NLN: variants seen among roughly 807,000 people sequenced by gnomAD.
NLN encodes the protein neurolysin.
Under a neutral mutation model 79.9 loss-of-function variants are expected in NLN, and 64 were observed. That is an observed-to-expected ratio of 0.80 (90% CI 0.65 to 0.99). The LOEUF (loss-of-function observed/expected upper bound fraction) is 0.99, where lower values mean the gene tolerates loss of function less well. Ranked by LOEUF, NLN falls within the 50% of genes least tolerant of loss-of-function variation. The probability of loss-of-function intolerance (pLI) is 0.00; values close to 1 mark genes in which losing one functional copy is unlikely to be tolerated. For synonymous variants in NLN, 267 were observed against 296.6 expected (o/e 0.90, Z 1.02); for missense variants, 835 against 858.7 (o/e 0.97, Z 0.34).
intron 12 of NLN, among the ~76,000 whole-genome samples, chr5:65,816,054 C>G (rs563080161): frequency 2.1e-4 from 32 of 152,076 alleles, no homozygotes; most frequent in African/African-American, 3.9e-4. Context: ...GAACTCCCCC[C>G]ACAAAAACAA....
At position 65,828,169 on chromosome 5, in the gene NLN, A is replaced by G. The variant is rs1324341099; in HGVS notation, c.*5254A>G. 1.3e-5 allele frequency: 2 copies of G among 152,282 alleles called. No individual in the cohort carries two copies. Among genetic ancestry groups the G allele is most frequent in the Non-Finnish European group, 2.9e-5 (2 of 68,062 alleles). 9.4% of individuals were successfully genotyped at this position (152,282 alleles called of 1,614,324 possible). ...AAAGAGTTGGCAGTTTTATTTGGCCAAATTCCAATATCAGCTCATGGTACA... is the reference window on the plus strand; with the variant it reads ...AAAGAGTTGGCAGTTTTATTTGGCCGAATTCCAATATCAGCTCATGGTACA... On this transcript the variant is annotated 3_prime_UTR_variant, in exon 13 of 13. Transcript: ENST00000380985.
chr5:65,767,450 G>A (rs1266986703), intron 3 of NLN, among the ~76,000 whole-genome samples: 1 of 152,190 alleles, frequency 6.6e-6, no homozygotes, highest in African/African-American at 2.4e-5. Context: ...ACTATGTCCT[G>A]AGGCTGCAGA....
intron 12 of NLN, among the ~76,000 whole-genome samples, chr5:65,816,947 T>C (rs1760684258): frequency 6.6e-6 from 1 of 152,286 alleles, no homozygotes; most frequent in South Asian, 2.1e-4. Context: ...AGAAACCACA[T>C]GTTGTTGATG....
chr5:65,774,715 TTA>T lies in NLN; in HGVS notation c.451-2698_451-2697del, dbSNP rs201576019. Among the ~76,000 whole-genome samples, 934 of 134,072 alleles carry T rather than the reference TTA, an allele frequency of 7.0e-3. 15 individuals carry two copies. The highest frequency in any genetic ancestry group is 0.024 in the African/African-American group (886 of 36,576). 88.0% of individuals were successfully genotyped at this position (134,072 alleles called of 152,430 possible). ...AGTTAATTAGTCATACATATATAAA[TTA>T]TATATATATATATTTTTTTTTTTTT... On this transcript the variant is annotated intron_variant, in intron 3 of 12. Transcript: ENST00000380985.
At chr5:65,728,223 A>G (rs1301033124) in intron 1 of NLN, among the ~76,000 whole-genome samples, 1 of 152,124 alleles carries the variant, frequency 6.6e-6, no homozygotes, top group Non-Finnish European at 1.5e-5. Flanking sequence ...AATTTCCTCT[A>G]TGAACAGACT....
intron 12 of NLN, among the ~76,000 whole-genome samples, chr5:65,813,359 T>C (rs1449856753): frequency 1.3e-5 from 2 of 152,180 alleles, no homozygotes; most frequent in African/African-American, 4.8e-5. Flanking sequence ...TGCTGACTAT[T>C]GTTCTCACAG....
chr5:65,806,449 A>G (rs1397095783), intron 9 of NLN, among the ~76,000 whole-genome samples: 1 of 152,234 alleles, frequency 6.6e-6, no homozygotes, highest in African/African-American at 2.4e-5. Flanking sequence ...TTCAACCCTC[A>G]TAGATGACTT....
chr5:65,797,441 G>A lies in NLN; in HGVS notation c.1527+4786G>A, dbSNP rs530910164. On this transcript the variant is annotated intron_variant, in intron 9 of 12. Coordinates refer to ENST00000380985, the MANE Select transcript of NLN (RefSeq NM_020726.5). The stretch of plus-strand genomic sequence containing the variant: ...CTAAATATTTGGATTAGATTCTGCT[G>A]TAGATAAATGTACCCTGTATTAGTC... Among the ~76,000 whole-genome samples, 3 of 152,330 alleles carry A rather than the reference G, an allele frequency of 2.0e-5. No individual in the cohort carries two copies. The South Asian group carries it at 6.2e-4, about 32-fold the overall frequency.
chr5:65,765,174 G>C (rs1252214640), intron 3 of NLN, among the ~76,000 whole-genome samples: 1 of 152,128 alleles, frequency 6.6e-6, no homozygotes, highest in Non-Finnish European at 1.5e-5. Context: ...CTTGAGCTCG[G>C]GAGTTCAAGA....
intron 3 of NLN, among the ~76,000 whole-genome samples, chr5:65,774,763 C>T (rs968995111): frequency 9.4e-5 from 14 of 149,426 alleles, no homozygotes; most frequent in African/African-American, 3.0e-4. Context: ...TTTACTCCGT[C>T]ACCTGGGCCA....
At chr5:65,742,686 C>G (rs941390518) in intron 1 of NLN, among the ~76,000 whole-genome samples, 9 of 152,114 alleles carry the variant, frequency 5.9e-5, no homozygotes, top group African/African-American at 2.2e-4. Context: ...CAATTTCTGC[C>G]CAATCTAAAA....
At chr5:65,726,421 G>T (rs1758473520) in intron 1 of NLN, among the ~76,000 whole-genome samples, 1 of 152,218 alleles carries the variant, frequency 6.6e-6, no homozygotes, top group Non-Finnish European at 1.5e-5. Flanking sequence ...GCCTCAATTT[G>T]TGCTGAAGTA....
intron 1 of NLN, among the ~76,000 whole-genome samples, chr5:65,757,235 A>G (rs1401102188): frequency 6.6e-6 from 1 of 152,170 alleles, no homozygotes; most frequent in African/African-American, 2.4e-5. Flanking sequence ...TTGCTTTATT[A>G]GAAGAGAATA....
At chr5:65,734,404 C>T (rs1758681915) in intron 1 of NLN, among the ~76,000 whole-genome samples, 1 of 138,512 alleles carries the variant, frequency 7.2e-6, no homozygotes. Flanking sequence ...GGTGAAAATG[C>T]TGACTTGGCA....
At chr5:65,794,549 G>C (rs1340292704) in intron 9 of NLN, among the ~76,000 whole-genome samples, 1 of 151,976 alleles carries the variant, frequency 6.6e-6, no homozygotes, top group Non-Finnish European at 1.5e-5. Flanking sequence ...AGGCTGCGGT[G>C]AGCTGTGATC....
chr5:65,803,401 G>T (rs138103713), intron 9 of NLN, among the ~76,000 whole-genome samples: 3,593 of 152,308 alleles, frequency 0.024, 57 homozygotes, highest in Non-Finnish European at 0.035. Flanking sequence ...GGCAGCAAGG[G>T]GCTGGCATGT....
At chr5:65,758,409 C>G (rs551150825) in intron 1 of NLN, among the ~76,000 whole-genome samples, 158 bp from the exon 2 acceptor site, 1 of 152,136 alleles carries the variant, frequency 6.6e-6, no homozygotes, top group East Asian at 1.9e-4. Flanking sequence ...AATACAGGGG[C>G]ACTTAGTTTT....
At chr5:65,737,058 T>A (rs544725759) in intron 1 of NLN, among the ~76,000 whole-genome samples, 1 of 152,244 alleles carries the variant, frequency 6.6e-6, no homozygotes, top group African/African-American at 2.4e-5. Flanking sequence ...CGAGCCATGA[T>A]CATGCTGCTG....
chr5:65,736,442 C>G (rs1367979222), intron 1 of NLN, among the ~76,000 whole-genome samples: 1 of 152,182 alleles, frequency 6.6e-6, no homozygotes, highest in African/African-American at 2.4e-5. Flanking sequence ...AGAACAATTA[C>G]TAGGTTGTAG....
Sources: allele counts gnomAD v4.1 joint callset (sites outside exome capture counted in the v4.1 genomes callset), GRCh38; gene constraint gnomAD v4.1.1; transcripts MANE v1.5; gene names NCBI Gene and HGNC (gene_info 2026-07-23, HGNC 2026-07-21).